The following TMEM132B variants were observed in gnomAD, a reference collection of about 807,000 sequenced individuals.
TMEM132B encodes the protein transmembrane protein 132B.
In TMEM132B, 18 loss-of-function variants were observed where a neutral mutation model predicts 90.8. The ratio of observed to expected loss-of-function variants is 0.20; its 90% CI spans 0.14 to 0.29. The LOEUF is 0.29. TMEM132B is among the 10% of genes least tolerant of loss of function. TMEM132B has a pLI of 1.00. For synonymous variants in TMEM132B, 504 were observed against 523.3 expected (o/e 0.96, Z 0.50); for missense variants, 1,096 against 1,326.8 (o/e 0.83, Z 2.70).
intron 5 of TMEM132B, among the ~76,000 whole-genome samples, chr12:125,643,141 A>C (rs1391472728): frequency 6.6e-6 from 1 of 152,184 alleles, no homozygotes; most frequent in Non-Finnish European, 1.5e-5. Flanking sequence ...GAAGAGAAGC[A>C]ACAAGAATAA....
chr12:125,584,086 C>T, intron 5 of TMEM132B, 92 bp downstream of exon 5: 1 of 1,568,824 alleles, frequency 6.4e-7, no homozygotes, highest in Non-Finnish European at 8.8e-7. Flanking sequence ...CACTGAGCAT[C>T]CCATGCTCTA....
chr12:125,307,852 A>G (rs1593078086), intron 1 of TMEM132B, among the ~76,000 whole-genome samples: 1 of 35,286 alleles, frequency 2.8e-5, no homozygotes, highest in Admixed American at 2.8e-4. Context: ...ATATATACTT[A>G]TATATTTATA....
chr12:125,620,521 T>C (rs1462597258), intron 5 of TMEM132B, among the ~76,000 whole-genome samples: 2 of 151,986 alleles, frequency 1.3e-5, no homozygotes, highest in Non-Finnish European at 2.9e-5. Context: ...TAATGTGCTG[T>C]CTTTCTCCAA....
At chr12:125,387,204 AAGTCTCTCT>A (rs959009091) in intron 2 of TMEM132B, among the ~76,000 whole-genome samples, 1 of 152,024 alleles carries the variant, frequency 6.6e-6, no homozygotes, top group Non-Finnish European at 1.5e-5. Context: ...ATTGCATAGG[AAGTCTCTCT>A]TCTGAAAAAA....
rs575460004 is a variant in TMEM132B, at chr12:125,459,526, G to A, written c.1106+43849G>A. 1.3e-5 allele frequency among the ~76,000 whole-genome samples: 2 copies of A among 152,300 alleles called. No homozygotes were observed. The highest frequency in any genetic ancestry group is 2.1e-4 in the South Asian group (1 of 4,826). ...AGGATGGTTACCAGAAGCTGGAAGGGTAGTAGTAGGGTGTGGTGGGGATGT... is the reference window on the plus strand; with the variant it reads ...AGGATGGTTACCAGAAGCTGGAAGGATAGTAGTAGGGTGTGGTGGGGATGT... On this transcript the variant is annotated intron_variant, in intron 3 of 8. Transcript: ENST00000682704. The surrounding 1 kb of genome is among the most constrained non-coding windows in gnomAD (Gnocchi z 4.1).
At chr12:125,583,073 G>A (rs1885091566) in intron 4 of TMEM132B, among the ~76,000 whole-genome samples, 1 of 152,218 alleles carries the variant, frequency 6.6e-6, no homozygotes, top group African/African-American at 2.4e-5. Context: ...AGATAATTTT[G>A]TTGTAAAGAG....
chr12:125,619,222 CAA>C (rs1886061041), intron 5 of TMEM132B, among the ~76,000 whole-genome samples: 1 of 152,284 alleles, frequency 6.6e-6, no homozygotes, highest in East Asian at 1.9e-4. Context: ...AAAATCCAGG[CAA>C]AGAGTCAGCA....
At chr12:125,222,503 G>A (rs1873582286) in intron 1 of TMEM132B, among the ~76,000 whole-genome samples, 1 of 151,176 alleles carries the variant, frequency 6.6e-6, no homozygotes, top group African/African-American at 2.5e-5. Flanking sequence ...ACTCCATACA[G>A]CAATATGGGG....
At chr12:125,225,617 G>T (rs1440295744) in intron 1 of TMEM132B, among the ~76,000 whole-genome samples, 1 of 152,190 alleles carries the variant, frequency 6.6e-6, no homozygotes, top group Admixed American at 6.5e-5. Flanking sequence ...TCCAATAGAA[G>T]TTTGTTTCTT....
intron 4 of TMEM132B, 61 bp from the exon 5 acceptor site, chr12:125,583,790 C>T (rs1256022892): frequency 1.3e-6 from 2 of 1,590,666 alleles, no homozygotes; most frequent in Non-Finnish European, 1.7e-6. Context: ...GGACACCCCT[C>T]TCCTGCTCGC....
intron 3 of TMEM132B, among the ~76,000 whole-genome samples, chr12:125,461,897 T>C (rs1332982803): frequency 6.6e-6 from 1 of 152,230 alleles, no homozygotes; most frequent in East Asian, 1.9e-4. Context: ...GTTCTCGACC[T>C]CGCTGTGCTG....
At position 125,462,624 on chromosome 12, in the gene TMEM132B, A is replaced by G. The variant is rs954224509; in HGVS notation, c.1106+46947A>G. ...TAAATAGATGTCCCCGAAGTGAGGC[A>G]TGGGTGAGCTGAGGTGTGGCTGGAC... On this transcript the variant is annotated intron_variant, in intron 3 of 8. Coordinates refer to ENST00000682704, the MANE Select transcript of TMEM132B (RefSeq NM_001366854.1). 3.3e-5 allele frequency among the ~76,000 whole-genome samples: 5 copies of G among 152,202 alleles called. No homozygotes were observed. The East Asian group carries it at 5.8e-4, about 18-fold the overall frequency.
chr12:125,404,777 T>G (rs1879417408), intron 2 of TMEM132B, among the ~76,000 whole-genome samples: 1 of 152,190 alleles, frequency 6.6e-6, no homozygotes, highest in African/African-American at 2.4e-5. Context: ...CTCCATCACC[T>G]TCCTGACATT....
At chr12:125,388,612 A>G (rs1878916856) in intron 2 of TMEM132B, among the ~76,000 whole-genome samples, 1 of 151,808 alleles carries the variant, frequency 6.6e-6, no homozygotes, top group Non-Finnish European at 1.5e-5. Flanking sequence ...GAAAGTGCCA[A>G]CCCCGGCACT....
chr12:125,245,727 A>G (rs1874192920), intron 1 of TMEM132B, among the ~76,000 whole-genome samples: 1 of 152,148 alleles, frequency 6.6e-6, no homozygotes, highest in African/African-American at 2.4e-5. Context: ...GCCTGGCAGC[A>G]TTGGTTCTTC....
intron 1 of TMEM132B, among the ~76,000 whole-genome samples, chr12:125,304,770 G>A (rs1875918372): frequency 6.6e-6 from 1 of 152,106 alleles, no homozygotes; most frequent in African/African-American, 2.4e-5. Flanking sequence ...GTTCAAGGCT[G>A]TAGTGCACCA....
chr12:125,524,169 C>T (rs898328253), intron 4 of TMEM132B, among the ~76,000 whole-genome samples: 2 of 152,244 alleles, frequency 1.3e-5, no homozygotes, highest in Non-Finnish European at 2.9e-5. Context: ...AAGAGTACCT[C>T]TTCTGTCTAC....
chr12:125,598,335 A>G (rs746581640), intron 5 of TMEM132B, among the ~76,000 whole-genome samples: 3 of 152,196 alleles, frequency 2.0e-5, no homozygotes, highest in Non-Finnish European at 2.9e-5. Context: ...TTCATTGAAC[A>G]TGGAATGTGG....
At chr12:125,361,658 A>G (rs326403) in intron 2 of TMEM132B, among the ~76,000 whole-genome samples, 1,886 of 152,250 alleles carry the variant, frequency 0.012, 43 homozygotes, top group African/African-American at 0.042. Context: ...AGTGTTTCCC[A>G]AGCTAACTGT....
Sources: gnomAD v4.1 joint callset for allele counts (sites outside exome capture counted in the v4.1 genomes callset) on GRCh38, gnomAD v4.1.1 for gene constraint, Gnocchi (gnomAD v3.1) non-coding constraint, MANE v1.5 for transcripts, NCBI Gene and HGNC (gene_info 2026-07-23, HGNC 2026-07-21) for gene names.